The following TENM3 variants were observed in gnomAD, a reference collection of about 807,000 sequenced individuals.
TENM3 encodes teneurin transmembrane protein 3.
In TENM3, 63 loss-of-function variants were observed where a neutral mutation model predicts 255.1. The ratio of observed to expected loss-of-function variants is 0.25; its 90% CI spans 0.20 to 0.30. TENM3 has a LOEUF of 0.30. Among genes scored for constraint, TENM3 ranks in the 10% least tolerant of loss-of-function variants. TENM3 has a pLI of 1.00. For missense variants in TENM3, 2,929 were observed against 3,461.1 expected, an observed-to-expected ratio of 0.85 and a Z score of 3.86; for synonymous variants, 1,306 against 1,322.3, an observed-to-expected ratio of 0.99 and a Z score of 0.27.
At chr4:181,929,037 T>C in the TENM3 span, among the ~76,000 whole-genome samples, 4,664 of 152,124 alleles carry the variant, frequency 0.031, 87 homozygotes, top group South Asian at 0.045. Flanking sequence ...AAGCACTAAA[T>C]ATGGAACGAA....
At chr4:181,833,835 G>T in the TENM3 span, among the ~76,000 whole-genome samples, 6 of 152,054 alleles carry the variant, frequency 3.9e-5, no homozygotes, top group African/African-American at 1.4e-4. Flanking sequence ...TAGCCTGTTG[G>T]CTTCTCAAGG....
chr4:182,789,408 C>T lies in TENM3; in HGVS notation c.5601+19C>T, dbSNP rs142463875. 203 of 1,600,068 alleles carry T rather than the reference C, an allele frequency of 1.3e-4. No individual in the cohort carries two copies. In the African/African-American group the frequency reaches 2.5e-3, roughly 20 times the overall value. On this transcript the variant is annotated intron_variant, in intron 25 of 27. Coordinates refer to ENST00000511685, the MANE Select transcript of TENM3 (RefSeq NM_001080477.4). This position sits in a 1 kb window ranked among gnomAD's most constrained non-coding sequence, Gnocchi z 4.4. ...AGAAAAGGTATGCCTGCAAACTAAG[C>T]TCAACAATAGGGAAAGGATAATTCA...
At chr4:182,459,586 TA>T (rs1272351608) in intron 3 of TENM3, among the ~76,000 whole-genome samples, 1 of 152,202 alleles carries the variant, frequency 6.6e-6, no homozygotes, top group Non-Finnish European at 1.5e-5. Flanking sequence ...TTCTTTAAAG[TA>T]TATTTAAATT....
chr4:182,574,844 T>G (rs1580988656), intron 3 of TENM3, among the ~76,000 whole-genome samples: 2 of 152,274 alleles, frequency 1.3e-5, no homozygotes, highest in Admixed American at 1.3e-4. Context: ...GAATGGTATT[T>G]TATTCTACTC....
intron 1 of TENM3, among the ~76,000 whole-genome samples, chr4:182,315,816 T>C (rs1456993264): frequency 6.6e-6 from 1 of 152,184 alleles, no homozygotes; most frequent in Non-Finnish European, 1.5e-5. Context: ...TTATTTTGTG[T>C]AGTTTCTATT....
intron 1 of TENM3, among the ~76,000 whole-genome samples, chr4:182,223,509 T>A (rs911345509): frequency 1.3e-5 from 2 of 152,152 alleles, no homozygotes; most frequent in Non-Finnish European, 2.9e-5. Flanking sequence ...ATGTATTTGG[T>A]TGATTACATG....
the TENM3 span, among the ~76,000 whole-genome samples, chr4:182,027,023 C>T: frequency 6.6e-6 from 1 of 152,036 alleles, no homozygotes; most frequent in South Asian, 2.1e-4. Flanking sequence ...ATAGGGATTG[C>T]ATTGAATCTA....
rs764561649 is a variant in TENM3 at position 182,752,048 on chromosome 4, G to A, written c.3862+16G>A. The A allele has an allele frequency of 9.5e-6, 13 of 1,364,640 alleles. No individual in the cohort carries two copies. The East Asian group carries it at 1.0e-4, about 11-fold the overall frequency. The allele number at this position is 1,364,640 out of a possible 1,614,324, so 84.5% of individuals were successfully genotyped here. A position where few individuals can be genotyped will look rare whatever the true frequency, so the allele number is the denominator to read the frequency against. On this transcript the variant is annotated intron_variant, in intron 20 of 27. Coordinates refer to ENST00000511685, the MANE Select transcript of TENM3 (RefSeq NM_001080477.4). ...AGTCCCAAAGGTACCGGCAGTTGGCGATTTGAGGATTTCTTTTTATTTATT... is the reference window on the plus strand; with the variant it reads ...AGTCCCAAAGGTACCGGCAGTTGGCAATTTGAGGATTTCTTTTTATTTATT...
At chr4:182,245,840 T>G (rs1757602467) in intron 1 of TENM3, among the ~76,000 whole-genome samples, 1 of 152,216 alleles carries the variant, frequency 6.6e-6, no homozygotes, top group South Asian at 2.1e-4. Flanking sequence ...ATAAAACCAG[T>G]AGAACAATAA....
In TENM3 at chr4:182,654,365, T is replaced by C. The variant is rs966681811; in HGVS notation, c.1111+472T>C. ...TGCCCTTTCTCTAAACCTTTAAGAATTTGCACTTTGAGCTAACAAAGATTT... is the reference window on the plus strand; with the variant it reads ...TGCCCTTTCTCTAAACCTTTAAGAACTTGCACTTTGAGCTAACAAAGATTT... On this transcript the variant is annotated intron_variant, in intron 6 of 27. Coordinates refer to ENST00000511685, the MANE Select transcript of TENM3 (RefSeq NM_001080477.4). Among the ~76,000 whole-genome samples, 15 of 152,208 alleles carry C rather than the reference T, an allele frequency of 9.9e-5. 1 individual carries two copies. The highest frequency in any genetic ancestry group is 9.2e-4 in the Admixed American group (14 of 15,276).
intron 1 of TENM3, chr4:182,144,894 C>G (rs1244213922): frequency 6.6e-6 from 1 of 151,042 alleles, no homozygotes; most frequent in Non-Finnish European, 1.5e-5. Context: ...ATCTTCTCAG[C>G]GCGCGGATTC....
At chr4:182,296,183 G>A (rs1009394099) in intron 1 of TENM3, among the ~76,000 whole-genome samples, 6 of 151,902 alleles carry the variant, frequency 3.9e-5, no homozygotes, top group South Asian at 2.1e-4. Flanking sequence ...GGCTGGTCTC[G>A]AACTCCCGAC....
intron 19 of TENM3, among the ~76,000 whole-genome samples, chr4:182,749,492 C>T (rs905429499): frequency 6.6e-6 from 1 of 152,114 alleles, no homozygotes; most frequent in Non-Finnish European, 1.5e-5. Context: ...AGAGACAGGA[C>T]AAAAGCGAGT....
chr4:182,046,246 A>C, the TENM3 span, among the ~76,000 whole-genome samples: 1 of 152,152 alleles, frequency 6.6e-6, no homozygotes, highest in Non-Finnish European at 1.5e-5. Flanking sequence ...TGAGATTCAG[A>C]TTCTTATTCT....
rs189924965 is a variant in TENM3, at chr4:182,446,195, C to T, written c.511+99266C>T. On this transcript the variant is annotated intron_variant, in intron 3 of 27. Transcript: ENST00000511685. ...TGCTCAGCTTCGTTCAGTGTAAATCCTTGATTATTCTCAAAGGATCCCATC... is the reference window on the plus strand; with the variant it reads ...TGCTCAGCTTCGTTCAGTGTAAATCTTTGATTATTCTCAAAGGATCCCATC... Among the ~76,000 whole-genome samples, 661 of 152,252 alleles carry T rather than the reference C, an allele frequency of 4.3e-3. 4 individuals carry two copies. Among genetic ancestry groups the T allele is most frequent in the Non-Finnish European group, 6.8e-3 (465 of 68,012 alleles).
the TENM3 span, among the ~76,000 whole-genome samples, chr4:181,939,095 T>C: frequency 6.6e-6 from 1 of 152,214 alleles, no homozygotes; most frequent in Non-Finnish European, 1.5e-5. Context: ...TAAATGAAGA[T>C]AATAATTATA....
intron 5 of TENM3, among the ~76,000 whole-genome samples, chr4:182,646,234 T>G (rs534993869): frequency 1.3e-5 from 2 of 152,338 alleles, no homozygotes; most frequent in Non-Finnish European, 2.9e-5. Flanking sequence ...AACTCCAATA[T>G]ATGTCCAGGA....
chr4:181,629,958 G>C, the TENM3 span, among the ~76,000 whole-genome samples: 7 of 152,242 alleles, frequency 4.6e-5, no homozygotes, highest in African/African-American at 1.4e-4. Context: ...CTGTGAGTCC[G>C]TCTGGTCCTG....
intron 3 of TENM3, 59 bp downstream of exon 3, chr4:182,346,988 G>C: frequency 4.2e-6 from 4 of 953,410 alleles, no homozygotes; most frequent in Non-Finnish European, 5.5e-6. Flanking sequence ...TGTTTTGGTT[G>C]ACTCCGCGGG....
Sources: gnomAD v4.1 joint callset for allele counts (sites outside exome capture counted in the v4.1 genomes callset) on GRCh38, gnomAD v4.1.1 for gene constraint, Gnocchi (gnomAD v3.1) non-coding constraint, MANE v1.5 for transcripts, NCBI Gene and HGNC (gene_info 2026-07-23, HGNC 2026-07-21) for gene names.